Variants in NDC1 observed in about 807,000 individuals in gnomAD.
The protein encoded by NDC1 is NDC1 transmembrane nucleoporin.
NDC1 carries 24 observed loss-of-function variants against 89.8 expected under a neutral mutation model. The observed-to-expected ratio is 0.27, with a 90% CI of 0.19 to 0.38. The LOEUF is 0.38. Among genes scored for constraint, NDC1 ranks in the 10% least tolerant of loss-of-function variants. The pLI is 1.00. For missense variants in NDC1, 728 were observed against 797.6 expected, an observed-to-expected ratio of 0.91 and a Z score of 1.05; for synonymous variants, 296 against 284.8, an observed-to-expected ratio of 1.04 and a Z score of -0.39.
intron 17 of NDC1, among the ~76,000 whole-genome samples, chr1:53,768,446 G>C (rs1266984550): frequency 6.6e-6 from 1 of 152,068 alleles, no homozygotes; most frequent in Non-Finnish European, 1.5e-5. Context: ...AAAATGTTTG[G>C]TTAAAACACA....
intron 3 of NDC1, among the ~76,000 whole-genome samples, chr1:53,829,890 T>C (rs1172487443): frequency 6.6e-6 from 1 of 152,196 alleles, no homozygotes; most frequent in Non-Finnish European, 1.5e-5. Flanking sequence ...CAGTGGCTCA[T>C]GCCTGTAATC....
chr1:53,776,877 ATAAC>A (rs1647167733), intron 16 of NDC1, among the ~76,000 whole-genome samples: 2 of 152,362 alleles, frequency 1.3e-5, no homozygotes, highest in Non-Finnish European at 2.9e-5. Context: ...CAACACAAGA[ATAAC>A]TAATGAGTAA....
At chr1:53,821,025 A>G (rs1235956681) in intron 5 of NDC1, among the ~76,000 whole-genome samples, 2 of 151,864 alleles carry the variant, frequency 1.3e-5, no homozygotes, top group South Asian at 2.1e-4. Context: ...TTTTATGCTT[A>G]TATTACGACT....
At chr1:53,832,106 T>C (rs1649086647) in intron 3 of NDC1, among the ~76,000 whole-genome samples, 1 of 152,090 alleles carries the variant, frequency 6.6e-6, no homozygotes. Context: ...ATAAGTACAC[T>C]CATATTGTTG....
At chr1:53,807,476 GA>G (rs983295937) in intron 8 of NDC1, among the ~76,000 whole-genome samples, 179 bp downstream of exon 8, 1 of 151,426 alleles carries the variant, frequency 6.6e-6, no homozygotes. Flanking sequence ...CTGTTCCTCT[GA>G]AAAAAAATAC....
intron 16 of NDC1, among the ~76,000 whole-genome samples, chr1:53,779,847 C>T (rs1395546277): frequency 1.3e-5 from 2 of 152,082 alleles, no homozygotes; most frequent in Non-Finnish European, 2.9e-5. Flanking sequence ...TCATAGAAAC[C>T]GAGAATAGAC....
At chr1:53,785,019 T>C (rs1388778521) in intron 16 of NDC1, among the ~76,000 whole-genome samples, 1 of 151,892 alleles carries the variant, frequency 6.6e-6, no homozygotes, top group Non-Finnish European at 1.5e-5. Flanking sequence ...TCTACTGCAC[T>C]GCTAATGCCC....
chr1:53,796,580 TAAA>T (rs57490546), intron 13 of NDC1, 106 bp downstream of exon 13: 22,255 of 423,976 alleles, frequency 0.052, 113 homozygotes, highest in Middle Eastern at 0.075. Context: ...ACACGAAGCA[TAAA>T]AAAAAAAAAA....
At chr1:53,820,858 G>A (rs1370742174) in intron 5 of NDC1, among the ~76,000 whole-genome samples, 2 of 151,262 alleles carry the variant, frequency 1.3e-5, no homozygotes, top group Admixed American at 6.6e-5. Flanking sequence ...CTATAGGCAC[G>A]CCACGCCTGG....
At chr1:53,818,051 T>C (rs1267473825) in intron 6 of NDC1, among the ~76,000 whole-genome samples, 2 of 152,200 alleles carry the variant, frequency 1.3e-5, no homozygotes, top group African/African-American at 2.4e-5. Flanking sequence ...CATTTCTAGA[T>C]AGAGTAATGA....
At chr1:53,808,058 G>T (rs1342746113) in intron 7 of NDC1, among the ~76,000 whole-genome samples, 5 of 152,322 alleles carry the variant, frequency 3.3e-5, no homozygotes, top group African/African-American at 1.2e-4. Flanking sequence ...GGAGGAATGA[G>T]CTAAGCCTAT....
intron 6 of NDC1, among the ~76,000 whole-genome samples, chr1:53,817,621 A>G (rs542625019): frequency 6.6e-6 from 1 of 152,330 alleles, no homozygotes; most frequent in South Asian, 2.1e-4. Flanking sequence ...CCTGTACCCC[A>G]ATAACTTACA....
chr1:53,768,085 TAA>T, intron 17 of NDC1, 52 bp from the exon 18 acceptor site: 2 of 1,215,848 alleles, frequency 1.6e-6, no homozygotes, highest in South Asian at 2.7e-5. Context: ...TTAAGCATAT[TAA>T]GTGAACCACA....
At chr1:53,793,363 G>A in intron 13 of NDC1, 84 bp from the exon 14 acceptor site, 1 of 1,119,290 alleles carries the variant, frequency 8.9e-7, no homozygotes, top group Non-Finnish European at 1.3e-6. Context: ...CTTCCAGACA[G>A]TAACTTAAAT....
Position 53,797,062 on chromosome 1 carries a change from A to G in NDC1, c.1305T>C (p.Ser435=), listed in dbSNP as rs1292820957. The G allele has an allele frequency of 1.9e-6, 3 of 1,614,054 alleles. No individual in the cohort carries two copies. The highest frequency in any genetic ancestry group is 1.7e-5 in the Admixed American group (1 of 60,004). ...CAACATCAGGTGTAGATAATTTTGA[A>G]GAAAACAGTGATGTTTTAACTAATG... The part of the protein sequence containing the change: ...VPPLVKTSLF[S]SKLSTPDVVS... The change falls in exon 12 of 18, where the codon TCT becomes TCC. Residue 435 remains serine, a synonymous_variant. Transcript: ENST00000371429.
At chr1:53,810,874 C>A (rs1648281070) in intron 6 of NDC1, among the ~76,000 whole-genome samples, 1 of 152,200 alleles carries the variant, frequency 6.6e-6, no homozygotes, top group African/African-American at 2.4e-5. Context: ...AACCAGCAAT[C>A]ACAAGAGGAC....
At chr1:53,835,169 A>G (rs1257487766) in intron 2 of NDC1, among the ~76,000 whole-genome samples, 1 of 152,238 alleles carries the variant, frequency 6.6e-6, no homozygotes, top group African/African-American at 2.4e-5. Flanking sequence ...CGAATCGATG[A>G]CAGGAACCAT....
rs369960654 is a variant in NDC1, at chr1:53,825,453, C to CAAAAAAAAAAAAAAA, written c.594+344_594+345insTTTTTTTTTTTTTTT. On this transcript the variant is annotated intron_variant, in intron 5 of 17. Coordinates refer to ENST00000371429, the MANE Select transcript of NDC1 (RefSeq NM_018087.5). ...CTGGGCAAAGAAGCGAGACTGTCTC[C>CAAAAAAAAAAAAAAA]AAAAAAAAAGAAGCTACACAGAGTA... 1.1e-3 allele frequency among the ~76,000 whole-genome samples: 142 copies of CAAAAAAAAAAAAAAA among 125,820 alleles called. 3 individuals carry two copies. The highest frequency in any genetic ancestry group is 4.7e-3 in the African/African-American group (137 of 29,114). 82.5% of individuals were successfully genotyped at this position (125,820 alleles called of 152,430 possible).
chr1:53,775,220 C>T (rs563822680), intron 16 of NDC1, among the ~76,000 whole-genome samples: 3 of 152,250 alleles, frequency 2.0e-5, no homozygotes, highest in South Asian at 4.1e-4. Context: ...AAAGTACAGC[C>T]ATTTTCTTTG....
Sources: allele counts gnomAD v4.1 joint callset (sites outside exome capture counted in the v4.1 genomes callset), GRCh38; gene constraint gnomAD v4.1.1; transcripts MANE v1.5; gene names NCBI Gene and HGNC (gene_info 2026-07-23, HGNC 2026-07-21).